The following TP63 variants were observed in gnomAD, a reference collection of about 807,000 sequenced individuals.
The protein encoded by TP63 is tumor protein p63.
A neutral mutation model predicts 82.8 loss-of-function variants in TP63; 17 were observed. That is an observed-to-expected ratio of 0.21 (90% confidence interval 0.14 to 0.31). The LOEUF (loss-of-function observed/expected upper bound fraction) is 0.31. Among genes scored for constraint, TP63 ranks in the 10% least tolerant of loss-of-function variants. TP63 has a pLI of 1.00. For synonymous variants in TP63, 330 were observed against 321.7 expected (o/e 1.03, Z -0.28); for missense variants, 648 against 895.3 (o/e 0.72, Z 3.52).
intron 3 of TP63, among the ~76,000 whole-genome samples, chr3:189,779,686 T>C (rs916447337): frequency 6.6e-6 from 1 of 151,882 alleles, no homozygotes; most frequent in Non-Finnish European, 1.5e-5. Flanking sequence ...CAAACCTGAG[T>C]TCCAAGCTCC....
intron 1 of TP63, among the ~76,000 whole-genome samples, chr3:189,634,381 A>C (rs1011997129): frequency 6.6e-6 from 1 of 152,100 alleles, no homozygotes; most frequent in Non-Finnish European, 1.5e-5. Flanking sequence ...ATCTTTTATT[A>C]CTAAATGTTA....
intron 1 of TP63, among the ~76,000 whole-genome samples, chr3:189,714,041 G>C (rs1212226952): frequency 1.3e-5 from 2 of 152,088 alleles, no homozygotes; most frequent in Admixed American, 6.6e-5. Flanking sequence ...AAGCAATTTA[G>C]ACAAAGTTGG....
intron 1 of TP63, among the ~76,000 whole-genome samples, chr3:189,723,433 G>A (rs1017229426): frequency 6.6e-6 from 1 of 152,196 alleles, no homozygotes; most frequent in Non-Finnish European, 1.5e-5. Context: ...ATGCCTGTCA[G>A]GCATATTGCA....
intron 4 of TP63, chr3:189,829,987 A>G (rs921285978): frequency 2.0e-5 from 6 of 298,320 alleles, no homozygotes; most frequent in African/African-American, 4.7e-5. Flanking sequence ...ATTATTGTAC[A>G]TCGGATGAGC....
chr3:189,754,377 T>C (rs111377737), intron 3 of TP63, among the ~76,000 whole-genome samples: 2 of 152,314 alleles, frequency 1.3e-5, no homozygotes, highest in African/African-American at 4.8e-5. Context: ...CTATATAGAA[T>C]TGGATTATAA....
chr3:189,804,926 T>A (rs1460049380), intron 3 of TP63, among the ~76,000 whole-genome samples: 3 of 152,228 alleles, frequency 2.0e-5, no homozygotes, highest in Non-Finnish European at 4.4e-5. Context: ...GGCTGATTTC[T>A]CATCAATCCT....
At chr3:189,654,268 A>G (rs898508987) in intron 1 of TP63, among the ~76,000 whole-genome samples, 1 of 152,118 alleles carries the variant, frequency 6.6e-6, no homozygotes, top group African/African-American at 2.4e-5. Flanking sequence ...AAAAATTGCA[A>G]TCATTACAAA....
chr3:189,597,940 A>T, the TP63 span, among the ~76,000 whole-genome samples: 2 of 152,146 alleles, frequency 1.3e-5, no homozygotes, highest in Non-Finnish European at 2.9e-5. Flanking sequence ...AAAAAAAAAA[A>T]AAAGTTAGAA....
chr3:189,833,414 A>T (rs1712657460), intron 4 of TP63, among the ~76,000 whole-genome samples: 1 of 152,264 alleles, frequency 6.6e-6, no homozygotes, highest in East Asian at 1.9e-4. Context: ...CAGTGTCTTC[A>T]TAACAAGCCC....
At chr3:189,834,253 G>A (rs1221964226) in intron 4 of TP63, among the ~76,000 whole-genome samples, 1 of 151,966 alleles carries the variant, frequency 6.6e-6, no homozygotes, top group African/African-American at 2.4e-5. Context: ...GTTGGAGTTT[G>A]GGAAAAAAAG....
intron 4 of TP63, among the ~76,000 whole-genome samples, chr3:189,809,207 G>A (rs906336266): frequency 6.6e-6 from 1 of 152,002 alleles, no homozygotes; most frequent in Non-Finnish European, 1.5e-5. Flanking sequence ...CAAAGAAATT[G>A]TTAAAGAAAA....
intron 3 of TP63, among the ~76,000 whole-genome samples, chr3:189,750,049 G>T (rs1721687028): frequency 6.6e-6 from 1 of 151,180 alleles, no homozygotes; most frequent in Non-Finnish European, 1.5e-5. Context: ...GCTTGAGCCT[G>T]GGAGGTGGAG....
At chr3:189,823,522 A>G (rs1729016057) in intron 4 of TP63, among the ~76,000 whole-genome samples, 1 of 152,172 alleles carries the variant, frequency 6.6e-6, no homozygotes, top group Admixed American at 6.5e-5. Context: ...GGGGAAGGAC[A>G]GAGGTGAGAT....
intron 3 of TP63, among the ~76,000 whole-genome samples, chr3:189,771,316 TTATATATTTATATATAA>T (rs1314082595): frequency 2.9e-5 from 4 of 136,642 alleles, no homozygotes; most frequent in East Asian, 2.0e-4. Flanking sequence ...ATATAATATA[TTATATATTTATATATAA>T]TATATATTTA....
At chr3:189,724,535 C>T (rs1037399809) in intron 1 of TP63, among the ~76,000 whole-genome samples, 8 of 152,144 alleles carry the variant, frequency 5.3e-5, no homozygotes, top group African/African-American at 1.7e-4. Flanking sequence ...CCTTTGCATC[C>T]GCATGGCTTA....
chr3:189,687,413 A>G (rs1361993829), intron 1 of TP63, among the ~76,000 whole-genome samples: 6 of 152,216 alleles, frequency 3.9e-5, no homozygotes, highest in Admixed American at 2.6e-4. Context: ...TGTGTCAGAA[A>G]TCAGCATTAT....
chr3:189,835,023 G>A (rs758122486), intron 4 of TP63, among the ~76,000 whole-genome samples: 1 of 151,626 alleles, frequency 6.6e-6, no homozygotes, highest in Non-Finnish European at 1.5e-5. Context: ...CTTATGGATC[G>A]TCCGAGTCCT....
chr3:189,612,198 A>G, the TP63 span, among the ~76,000 whole-genome samples: 1,280 of 151,870 alleles, frequency 8.4e-3, 11 homozygotes, highest in East Asian at 0.044. Flanking sequence ...AGTGCTGCTG[A>G]TATAGTTTGG....
intron 4 of TP63, among the ~76,000 whole-genome samples, chr3:189,842,360 G>C (rs959744622): frequency 6.6e-6 from 1 of 152,132 alleles, no homozygotes; most frequent in South Asian, 2.1e-4. Flanking sequence ...AAGATTACAG[G>C]GCTGGAAATT....
Sources: gnomAD v4.1 joint callset for allele counts (sites outside exome capture counted in the v4.1 genomes callset) on GRCh38, gnomAD v4.1.1 for gene constraint, MANE v1.5 for transcripts, NCBI Gene and HGNC (gene_info 2026-07-23, HGNC 2026-07-21) for gene names.